Variants in MTMR14 observed in about 807,000 individuals in gnomAD.
MTMR14 encodes the protein phosphatidylinositol-3,5-bisphosphate 3-phosphatase MTMR14.
Under a neutral mutation model 86.3 loss-of-function variants are expected in MTMR14, and 48 were observed. The observed-to-expected ratio is 0.56, with a 90% CI of 0.44 to 0.71. The LOEUF (loss-of-function observed/expected upper bound fraction) is 0.71. Among genes scored for constraint, MTMR14 ranks in the 30% least tolerant of loss-of-function variants. The pLI, the probability that MTMR14 is intolerant of heterozygous loss-of-function variation, is 0.00. For synonymous variants in MTMR14, 366 were observed against 326.1 expected, an observed-to-expected ratio of 1.12 and a Z score of -1.32; for missense variants, 780 against 834.6, an observed-to-expected ratio of 0.93 and a Z score of 0.81.
chr3:9,650,504 A>C, intron 1 of MTMR14: 1 of 386,684 alleles, frequency 2.6e-6, no homozygotes, highest in East Asian at 7.4e-5. Context: ...GCACCACAGA[A>C]CTCTGATTTG....
chr3:9,673,679 C>T (rs1286737513), intron 7 of MTMR14, among the ~76,000 whole-genome samples: 1 of 152,148 alleles, frequency 6.6e-6, no homozygotes, highest in Non-Finnish European at 1.5e-5. Flanking sequence ...GTGTCCTCAT[C>T]ATGTGCAAGC....
chr3:9,662,758 A>G (rs1333392072), intron 3 of MTMR14, among the ~76,000 whole-genome samples: 1 of 152,242 alleles, frequency 6.6e-6, no homozygotes, highest in Non-Finnish European at 1.5e-5. Flanking sequence ...TCTTTCAATT[A>G]TATAATTCAC....
intron 2 of MTMR14, among the ~76,000 whole-genome samples, chr3:9,656,073 T>C (rs1177348746): frequency 1.3e-5 from 2 of 152,034 alleles, no homozygotes; most frequent in African/African-American, 4.8e-5. Flanking sequence ...CGCACGCCTG[T>C]AATCCCAGCT....
chr3:9,662,318 C>T lies in MTMR14; in HGVS notation c.360C>T (p.Ser120=), dbSNP rs532834766. Residue 120 remains serine, a synonymous_variant, in exon 3 of 19, where the codon AGC becomes AGT. Coordinates refer to ENST00000296003, the MANE Select transcript of MTMR14 (RefSeq NM_001077525.3). ...VSKLQDLIHR[S]KMARCRGRFV... Reference sequence around the variant, plus strand: ...AGTTGCAAGACCTCATCCACCGCAGCAAGATGGCCCGGTGCAGAGGACGGT... The same window carrying T: ...AGTTGCAAGACCTCATCCACCGCAGTAAGATGGCCCGGTGCAGAGGACGGT... 3 of 1,613,602 alleles carry T rather than the reference C, an allele frequency of 1.9e-6. No individual in the cohort carries two copies. The East Asian group carries it at 6.7e-5, about 36-fold the overall frequency.
At chr3:9,659,385 C>G (rs987555988) in intron 2 of MTMR14, among the ~76,000 whole-genome samples, 1 of 151,966 alleles carries the variant, frequency 6.6e-6, no homozygotes, top group Non-Finnish European at 1.5e-5. Flanking sequence ...ATAAAAGAAT[C>G]CTAAGGACAA....
intron 9 of MTMR14, among the ~76,000 whole-genome samples, chr3:9,680,408 T>C (rs2075722046): frequency 3.3e-5 from 5 of 152,198 alleles, no homozygotes; most frequent in Admixed American, 6.5e-5. Flanking sequence ...ACTGAAATGA[T>C]AGAGCAGGGC....
At chr3:9,679,726 T>C (rs1007227030) in intron 9 of MTMR14, among the ~76,000 whole-genome samples, 9 of 152,176 alleles carry the variant, frequency 5.9e-5, no homozygotes, top group African/African-American at 1.9e-4. Context: ...CAGGCTCAAA[T>C]ATGATCACTG....
At position 9,688,710 on chromosome 3, in the gene MTMR14, C is replaced by T; in HGVS notation, c.1250C>T (p.Pro417Leu). 3 of 1,614,200 alleles carry T rather than the reference C, an allele frequency of 1.9e-6. No individual in the cohort carries two copies. Among genetic ancestry groups the T allele is most frequent in the Non-Finnish European group, 2.5e-6 (3 of 1,180,042 alleles). Reference sequence around the variant, plus strand: ...TCCATTTCTAGGAGGAAGAGTTTGCCAGCCCGGGATGGAGGCTTCACCCTG... The same window carrying T: ...TCCATTTCTAGGAGGAAGAGTTTGCTAGCCCGGGATGGAGGCTTCACCCTG... ...ALKTQRRKSL[P>L]ARDGGFTLED... Residue 417 changes from proline (P) to leucine (L), a missense_variant, in exon 15 of 19, where the codon CCA becomes CTA. Transcript: ENST00000296003.
rs748208637 is a variant in MTMR14 at position 9,690,007 on chromosome 3, C to T, written c.1477C>T (p.Arg493Trp). ...SSSPQSVLWN[R>W]PQPSEDRLPS... ...CTCTCCACAGAGTGTCCTCTGGAAC[C>T]GGCCACAACCCTCAGAGGACCGCTT... Residue 493 changes from arginine to tryptophan, a missense_variant, in exon 17 of 19, where the codon CGG becomes TGG. Arg to Trp is a moderately radical substitution (Grantham distance 101, BLOSUM62 -3). Coordinates refer to ENST00000296003, the MANE Select transcript of MTMR14 (RefSeq NM_001077525.3). The T allele has an allele frequency of 1.9e-5, 30 of 1,611,808 alleles. No individual in the cohort carries two copies. Among genetic ancestry groups the T allele is most frequent in the African/African-American group, 2.7e-5 (2 of 74,890 alleles).
At chr3:9,692,536 A>G (rs1374069719) in intron 17 of MTMR14, among the ~76,000 whole-genome samples, 2 of 152,176 alleles carry the variant, frequency 1.3e-5, no homozygotes, top group Non-Finnish European at 2.9e-5. Context: ...CTGAGCTCAC[A>G]TGCCTCCCCC....
chr3:9,669,566 A>G, intron 5 of MTMR14, 74 bp downstream of exon 5: 2 of 1,491,248 alleles, frequency 1.3e-6, no homozygotes, highest in Non-Finnish European at 1.8e-6. Context: ...CCATGTTCAT[A>G]TTGTCCGTGG....
intron 3 of MTMR14, among the ~76,000 whole-genome samples, chr3:9,666,891 C>G (rs1290755106): frequency 6.6e-6 from 1 of 152,194 alleles, no homozygotes; most frequent in Non-Finnish European, 1.5e-5. Context: ...GAGTCAGAAC[C>G]ATGAGGCAAA....
chr3:9,694,590 T>A (rs2076229723), intron 17 of MTMR14, among the ~76,000 whole-genome samples: 1 of 152,166 alleles, frequency 6.6e-6, no homozygotes, highest in Non-Finnish European at 1.5e-5. Flanking sequence ...AGATACCTTT[T>A]CACGAATGCT....
intron 3 of MTMR14, among the ~76,000 whole-genome samples, chr3:9,666,995 C>T (rs926285337): frequency 6.6e-6 from 1 of 152,202 alleles, no homozygotes; most frequent in Non-Finnish European, 1.5e-5. Flanking sequence ...ACTTGTTTTT[C>T]TCCATCTGAC....
At chr3:9,665,205 C>G (rs1414573069) in intron 3 of MTMR14, among the ~76,000 whole-genome samples, 7 of 151,416 alleles carry the variant, frequency 4.6e-5, no homozygotes, top group African/African-American at 1.7e-4. Context: ...TTGCTTGAAC[C>G]CAGGAGGCAG....
chr3:9,650,414 G>T (rs2047212290), intron 1 of MTMR14: 1 of 455,392 alleles, frequency 2.2e-6, no homozygotes, highest in South Asian at 1.5e-5. Context: ...TGGGAATCTT[G>T]CCGACCCTGC....
At chr3:9,692,920 A>G (rs1162144150) in intron 17 of MTMR14, among the ~76,000 whole-genome samples, 2 of 152,218 alleles carry the variant, frequency 1.3e-5, no homozygotes, top group Non-Finnish European at 2.9e-5. Context: ...AGGTCCCCTC[A>G]GAGCCCAGGA....
In MTMR14 at chr3:9,649,627, C is replaced by T. The variant is rs961001330; in HGVS notation, c.44C>T (p.Ser15Phe). ...GCCGCCGCCGCTGCCTCGGCGGGGT[C>T]CTCGGCCTCTTCAGGCAACCAGCCG... is the stretch of plus-strand genomic sequence containing the variant. ...RAAAAAASAG[S>F]SASSGNQPPQ... The change falls in exon 1 of 19, where the codon TCC (serine) becomes TTC (phenylalanine). Residue 15 changes from serine (S) to phenylalanine (F), a missense_variant. By Grantham distance (155) the Ser-to-Phe change is radical (BLOSUM62 -2). Coordinates refer to ENST00000296003, the MANE Select transcript of MTMR14 (RefSeq NM_001077525.3). 12 of 1,559,022 alleles carry T rather than the reference C, an allele frequency of 7.7e-6. No homozygotes were observed. The highest frequency in any genetic ancestry group is 2.7e-5 in the African/African-American group (2 of 73,388).
At chr3:9,653,833 A>T (rs145382409) in intron 2 of MTMR14, 64 bp downstream of exon 2, 142 of 1,607,738 alleles carry the variant, frequency 8.8e-5, no homozygotes, top group Admixed American at 2.0e-4. Context: ...CCCTGTGGCC[A>T]GGAAGTCTGT....
Sources: allele counts gnomAD v4.1 joint callset (sites outside exome capture counted in the v4.1 genomes callset), GRCh38; gene constraint gnomAD v4.1.1; transcripts MANE v1.5; gene names NCBI Gene and HGNC (gene_info 2026-07-23, HGNC 2026-07-21).